HDAC3: variants seen among roughly 807,000 people sequenced by gnomAD.
HDAC3 encodes the protein SMAP45.
In HDAC3, 21 loss-of-function variants were observed where a neutral mutation model predicts 62.3. The ratio of observed to expected loss-of-function variants is 0.34; its 90% CI spans 0.24 to 0.49. The LOEUF (loss-of-function observed/expected upper bound fraction) is 0.49. Ranked by LOEUF, HDAC3 falls within the 20% of genes least tolerant of loss-of-function variation. The probability of loss-of-function intolerance (pLI) is 0.99; values close to 1 mark genes in which losing one functional copy is unlikely to be tolerated. For synonymous variants in HDAC3, 198 were observed against 206.5 expected (o/e 0.96, Z 0.35); for missense variants, 270 against 556.9 (o/e 0.48, Z 5.19).
In HDAC3 at chr5:141,629,349, C is replaced by T; in HGVS notation, c.477-43G>A. 1 of 1,612,640 alleles carries T rather than the reference C, an allele frequency of 6.2e-7. No individual in the cohort carries two copies. Among genetic ancestry groups the T allele is most frequent in the African/African-American group, 1.3e-5 (1 of 75,000 alleles). ...CCAGGGTCTGAGCTAGAAGTGAACC[C>T]CCCAACCCACTCCTCTCAAACACCG... On this transcript the variant is annotated intron_variant, in intron 6 of 14. Coordinates refer to ENST00000305264, the MANE Select transcript of HDAC3 (RefSeq NM_003883.4). The surrounding 1 kb of genome is among the most constrained non-coding windows in gnomAD (Gnocchi z 5.3).
At position 141,627,902 on chromosome 5, in the gene HDAC3, C is replaced by T. The variant is rs2099904672; in HGVS notation, c.821G>A (p.Arg274Gln). 1.9e-6 allele frequency: 3 copies of T among 1,614,148 alleles called. No homozygotes were observed. Among genetic ancestry groups the T allele is most frequent in the East Asian group, 2.2e-5 (1 of 44,872 alleles). The change falls in exon 10 of 15, where the codon CGA becomes CAA. Residue 274 changes from arginine (R) to glutamine (Q), a missense_variant. Transcript: ENST00000305264. ...DRLGCFNLSIRGHGECVEYVK... is the reference protein window; with the variant it reads ...DRLGCFNLSIQGHGECVEYVK... ...GGAGAGCAAGTCTCACCCATGCCCT[C>T]GGATGCTGAGGTTAAAGCAGCCCAA...
rs1203169494 is a variant in HDAC3 at position 141,634,181 on chromosome 5, C to A, written c.281+630G>T. 2.6e-5 allele frequency among the ~76,000 whole-genome samples: 4 copies of A among 152,108 alleles called. No individual in the cohort carries two copies. The East Asian group carries it at 7.7e-4, about 29-fold the overall frequency. Reference sequence around the variant, plus strand: ...TAACTGCCCATAGCCCTCTTAAGATCCCTTGCTTTTTAAAACACTTTGATA... The same window carrying A: ...TAACTGCCCATAGCCCTCTTAAGATACCTTGCTTTTTAAAACACTTTGATA... On this transcript the variant is annotated intron_variant, in intron 3 of 14. Transcript: ENST00000305264.
At chr5:141,623,527 A>C (rs1447311079) in intron 14 of HDAC3, among the ~76,000 whole-genome samples, 1 of 152,238 alleles carries the variant, frequency 6.6e-6, no homozygotes, top group African/African-American at 2.4e-5. Flanking sequence ...ACTTAAAAAC[A>C]GGTTTTACCA....
At position 141,635,180 on chromosome 5, in the gene HDAC3, C is replaced by T. The variant is rs1006630965; in HGVS notation, c.139-227G>A. 1.1e-5 allele frequency: 5 copies of T among 460,230 alleles called. No individual in the cohort carries two copies. In the South Asian group the frequency reaches 1.3e-4, roughly 12 times the overall value. 28.5% of individuals were successfully genotyped at this position (460,230 alleles called of 1,614,324 possible). On this transcript the variant is annotated intron_variant, in intron 2 of 14. Coordinates refer to ENST00000305264, the MANE Select transcript of HDAC3 (RefSeq NM_003883.4). ...CCTTTCCACCTCCAGCTCAGCCTAT[C>T]GTACCTTCTCAACTTTGAGCCCTGA...
In HDAC3 at chr5:141,634,919, A is replaced by T; in HGVS notation, c.173T>A (p.Met58Lys). The change falls in exon 3 of 15, where the codon ATG becomes AAG. Residue 58 changes from methionine (M) to lysine (K), a missense_variant. Around this residue, in one of 5 missense-constraint regions of HDAC3, gnomAD observed 32 missense variants for 37.4 expected, o/e 0.86. Coordinates refer to ENST00000305264, the MANE Select transcript of HDAC3 (RefSeq NM_003883.4). ...FKPYQASQHDMCRFHSEDYID... is the reference protein window; with the variant it reads ...FKPYQASQHDKCRFHSEDYID... ...GTAGTCCTCGGAGTGGAAGCGGCACATGTCATGTTGGGAGGCCTGGTATGG... is the reference window on the plus strand; with the variant it reads ...GTAGTCCTCGGAGTGGAAGCGGCACTTGTCATGTTGGGAGGCCTGGTATGG... The T allele has an allele frequency of 6.2e-7, 1 of 1,614,114 alleles. No homozygotes were observed. The highest frequency in any genetic ancestry group is 8.5e-7 in the Non-Finnish European group (1 of 1,180,016).
intron 14 of HDAC3, among the ~76,000 whole-genome samples, chr5:141,624,513 T>C (rs1224553026): frequency 1.4e-5 from 2 of 139,280 alleles, no homozygotes; most frequent in South Asian, 2.2e-4. Flanking sequence ...GCTATAATCA[T>C]GCCACTGTAC....
At position 141,630,241 on chromosome 5, in the gene HDAC3, TCCTA is replaced by T. The variant is rs532800332; in HGVS notation, c.282-120_282-117del. ...ATTTTTCAAGAACCTTCTCTCCCTC[TCCTA>T]CACACGTGGGCTATCTGCAAATTTA... is the stretch of plus-strand genomic sequence containing the variant. On this transcript the variant is annotated intron_variant, in intron 3 of 14. Coordinates refer to ENST00000305264, the MANE Select transcript of HDAC3 (RefSeq NM_003883.4). 390 of 957,920 alleles carry T rather than the reference TCCTA, an allele frequency of 4.1e-4. 1 individual carries two copies. The African/African-American group carries it at 5.6e-3, about 14-fold the overall frequency. 59.3% of individuals were successfully genotyped at this position (957,920 alleles called of 1,614,324 possible). A position where few individuals can be genotyped will look rare whatever the true frequency, so the allele number is the denominator to read the frequency against.
rs1357097489 is a variant in HDAC3 at position 141,636,532 on chromosome 5, A to C, written c.138+16T>G. 3.7e-6 allele frequency: 6 copies of C among 1,601,814 alleles called. No individual in the cohort carries two copies. The highest frequency in any genetic ancestry group is 5.1e-6 in the Non-Finnish European group (6 of 1,169,686). On this transcript the variant is annotated intron_variant, in intron 2 of 14. Transcript: ENST00000305264. ...CGCCCCACCCCCCAACCCCCGGCCG[A>C]GGCGGCGGAACTCACGATCATCTTC...
Position 141,636,848 on chromosome 5 carries a change from G to A in HDAC3, c.-58C>T. 7 of 1,352,048 alleles carry A rather than the reference G, an allele frequency of 5.2e-6. No individual in the cohort carries two copies. Among genetic ancestry groups the A allele is most frequent in the Non-Finnish European group, 6.7e-6 (7 of 1,042,928 alleles). The allele number at this position is 1,352,048 out of a possible 1,614,324, so 83.8% of individuals were successfully genotyped here. A position where few individuals can be genotyped will look rare whatever the true frequency, so the allele number is the denominator to read the frequency against. On this transcript the variant is annotated 5_prime_UTR_variant, in exon 1 of 15. Coordinates refer to ENST00000305264, the MANE Select transcript of HDAC3 (RefSeq NM_003883.4). Reference sequence around the variant, plus strand: ...CGCCCGCCGCCCGCGGCCGCCGCCAGCCCCTCCCCGGCCGTGCGTGCTGCG... The same window carrying A: ...CGCCCGCCGCCCGCGGCCGCCGCCAACCCCTCCCCGGCCGTGCGTGCTGCG...
chr5:141,631,382 T>C (rs2099905189), intron 3 of HDAC3, among the ~76,000 whole-genome samples: 1 of 152,186 alleles, frequency 6.6e-6, no homozygotes, highest in Non-Finnish European at 1.5e-5. Context: ...ATAATGCAAT[T>C]GTCAGCTCCA....
At chr5:141,634,726 G>A (rs2099905727) in intron 3 of HDAC3, 85 bp downstream of exon 3, 1 of 1,331,006 alleles carries the variant, frequency 7.5e-7, no homozygotes, top group Non-Finnish European at 1.0e-6. Flanking sequence ...GGCCCCCCTT[G>A]AGATCTTCCC....
chr5:141,629,944 C>A lies in HDAC3; in HGVS notation c.364-28G>T. On this transcript the variant is annotated intron_variant, in intron 4 of 14. Coordinates refer to ENST00000305264, the MANE Select transcript of HDAC3 (RefSeq NM_003883.4). This position sits in a 1 kb window ranked among gnomAD's most constrained non-coding sequence, Gnocchi z 5.3. The stretch of plus-strand genomic sequence containing the variant: ...GAAAGACAAACACCTAAGTCACAGT[C>A]CTTCCTGCCCACCCCTCAAGCTGGG... The A allele has an allele frequency of 2.5e-6, 4 of 1,613,954 alleles. No individual in the cohort carries two copies. The highest frequency in any genetic ancestry group is 3.4e-6 in the Non-Finnish European group (4 of 1,179,792).
Position 141,625,037 on chromosome 5 carries a change from AT to A in HDAC3, c.1217+170del. On this transcript the variant is annotated intron_variant, in intron 14 of 14. Transcript: ENST00000305264. This position sits in a 1 kb window ranked among gnomAD's most constrained non-coding sequence, Gnocchi z 4.0. ...GTGCTGTTTTAAAATTTTGCAATAAATACGTGTTACTTTTGTCATTAAAAAT... is the reference window on the plus strand; with the variant it reads ...GTGCTGTTTTAAAATTTTGCAATAAAACGTGTTACTTTTGTCATTAAAAAT... 1.5e-6 allele frequency: 1 copy of A among 685,500 alleles called. No individual in the cohort carries two copies. Among genetic ancestry groups the A allele is most frequent in the Non-Finnish European group, 2.4e-6 (1 of 418,514 alleles). The allele number at this position is 685,500 out of a possible 1,614,324, so 42.5% of individuals were successfully genotyped here.
rs2099904739 is a variant in HDAC3, at chr5:141,628,350, G to A, written c.692-163C>T. 17 of 726,132 alleles carry A rather than the reference G, an allele frequency of 2.3e-5. No individual in the cohort carries two copies. In the South Asian group the frequency reaches 2.8e-4, roughly 12 times the overall value. 45.0% of individuals were successfully genotyped at this position (726,132 alleles called of 1,614,324 possible). ...TCTGGAAGGGATCCCAGACTGCTAT[G>A]AGTGACTGATGAAAGCCAATGACTT... On this transcript the variant is annotated intron_variant, in intron 8 of 14. Transcript: ENST00000305264. The surrounding 1 kb of genome is among the most constrained non-coding windows in gnomAD (Gnocchi z 4.7).
At position 141,634,971 on chromosome 5, in the gene HDAC3, A is replaced by G. The variant is rs1210162136; in HGVS notation, c.139-18T>C. 2 of 1,612,482 alleles carry G rather than the reference A, an allele frequency of 1.2e-6. No individual in the cohort carries two copies. Among genetic ancestry groups the G allele is most frequent in the African/African-American group, 1.3e-5 (1 of 74,868 alleles). ...TTGAAGACCTCGGGATGGAGACACAAGATGAACCCAGGCAGGGTCAGCCCC... is the reference window on the plus strand; with the variant it reads ...TTGAAGACCTCGGGATGGAGACACAGGATGAACCCAGGCAGGGTCAGCCCC... On this transcript the variant is annotated intron_variant, in intron 2 of 14. Coordinates refer to ENST00000305264, the MANE Select transcript of HDAC3 (RefSeq NM_003883.4).
intron 14 of HDAC3, among the ~76,000 whole-genome samples, chr5:141,623,466 CT>C (rs1413928313): frequency 6.6e-6 from 1 of 152,064 alleles, no homozygotes; most frequent in East Asian, 1.9e-4. Flanking sequence ...AATGCAGAGA[CT>C]AGGTCCAGAT....
chr5:141,636,776 C>T lies in HDAC3; in HGVS notation c.15G>A (p.Val5=). Residue 5 remains valine, a synonymous_variant, in exon 1 of 15, where the codon GTG becomes GTA. Transcript: ENST00000305264. ...CCACGTCGGGGTCGTAGAAATAGGC[C>T]ACGGTCTTGGCCATGGTGCCGGCGG... is the stretch of plus-strand genomic sequence containing the variant. MAKT[V]AYFYDPDVGN... 4 of 1,613,868 alleles carry T rather than the reference C, an allele frequency of 2.5e-6. No individual in the cohort carries two copies. The highest frequency in any genetic ancestry group is 3.4e-6 in the Non-Finnish European group (4 of 1,179,828).
intron 1 of HDAC3, 51 bp from the exon 2 acceptor site, chr5:141,636,681 C>T (rs1170443170): frequency 1.2e-6 from 2 of 1,613,178 alleles, no homozygotes; most frequent in South Asian, 1.1e-5. Context: ...GGAGTTGCAA[C>T]CCCGCCTCAA....
At position 141,628,075 on chromosome 5, in the gene HDAC3, C is replaced by A. The variant is rs1014079933; in HGVS notation, c.765+39G>T. On this transcript the variant is annotated intron_variant, in intron 9 of 14. Coordinates refer to ENST00000305264, the MANE Select transcript of HDAC3 (RefSeq NM_003883.4). This position sits in a 1 kb window ranked among gnomAD's most constrained non-coding sequence, Gnocchi z 4.7. ...CTTCCCTTGCTCTCTTTCCCCAAGCCCAGGCAGAACACTCCTGAGGAGGAA... is the reference window on the plus strand; with the variant it reads ...CTTCCCTTGCTCTCTTTCCCCAAGCACAGGCAGAACACTCCTGAGGAGGAA... The A allele has an allele frequency of 1.9e-6, 3 of 1,608,418 alleles. No individual in the cohort carries two copies. Among genetic ancestry groups the A allele is most frequent in the African/African-American group, 2.7e-5 (2 of 74,786 alleles).
Sources: allele counts gnomAD v4.1 joint callset (sites outside exome capture counted in the v4.1 genomes callset), GRCh38; gene constraint gnomAD v4.1.1; regional missense constraint gnomAD v4.1.1; non-coding constraint Gnocchi (gnomAD v3.1); transcripts MANE v1.5; gene names NCBI Gene and HGNC (gene_info 2026-07-23, HGNC 2026-07-21).